The following TNPO1 variants were observed in gnomAD, a reference collection of about 807,000 sequenced individuals.
TNPO1 encodes transportin 1.
A neutral mutation model predicts 119.5 loss-of-function variants in TNPO1; 8 were observed. That is an observed-to-expected ratio of 0.07 (90% CI 0.04 to 0.12). TNPO1 has a LOEUF of 0.12. Among genes scored for constraint, TNPO1 ranks in the 10% least tolerant of loss-of-function variants. TNPO1 has a pLI of 1.00. For synonymous variants in TNPO1, 362 were observed against 363.0 expected, an observed-to-expected ratio of 1.00 and a Z score of 0.03; for missense variants, 576 against 1,089.8, an observed-to-expected ratio of 0.53 and a Z score of 6.64.
Position 72,887,090 on chromosome 5 carries a change from C to G in TNPO1, c.1171C>G (p.Leu391Val), listed in dbSNP as rs767189517. 1.1e-5 allele frequency: 18 copies of G among 1,610,982 alleles called. No homozygotes were observed. Among genetic ancestry groups the G allele is most frequent in the Non-Finnish European group, 1.5e-5 (18 of 1,178,298 alleles). Residue 391 changes from leucine (L) to valine (V), a missense_variant, in exon 12 of 25, where the codon CTG becomes GTG. By Grantham distance (32) the Leu-to-Val change is conservative. Around this residue, in one of 6 missense-constraint regions of TNPO1, gnomAD observed 310 missense variants for 583.0 expected, o/e 0.53. Coordinates refer to ENST00000337273, the MANE Select transcript of TNPO1 (RefSeq NM_002270.4). ...WNLRKCSAAA[L>V]DVLANVYRDE... ...CTTAGGAAAATGTTCTGCTGCTGCC[C>G]TGGATGTTCTTGCAAATGTGTATCG...
At chr5:72,856,022 T>C in intron 4 of TNPO1, 99 bp downstream of exon 4, 1 of 1,281,970 alleles carries the variant, frequency 7.8e-7, no homozygotes. Flanking sequence ...TGTTTCATGT[T>C]AAATTGTGTT....
At chr5:72,840,753 C>CTTT (rs945435750) in intron 1 of TNPO1, among the ~76,000 whole-genome samples, 1 of 152,128 alleles carries the variant, frequency 6.6e-6, no homozygotes, top group African/African-American at 2.4e-5. Flanking sequence ...GTCTAGTCAT[C>CTTT]TTCAAAGTTC....
chr5:72,816,749 C>T lies in TNPO1; in HGVS notation c.12C>T (p.Asp4=). The change falls in exon 1 of 25, where the codon GAC becomes GAT. Residue 4 remains aspartate (D), a synonymous_variant. Transcript: ENST00000337273. MVW[D]RQTKMEYEWK... is the part of the protein sequence containing the mutation. The stretch of plus-strand genomic sequence containing the variant: ...CCGAGGCGTCTGGGATGGTGTGGGA[C>T]CGGGTAGGTGGCGTGAGGGTGCGCG... 1 of 1,585,878 alleles carries T rather than the reference C, an allele frequency of 6.3e-7. No homozygotes were observed. Among genetic ancestry groups the T allele is most frequent in the South Asian group, 1.2e-5 (1 of 86,538 alleles).
intron 9 of TNPO1, among the ~76,000 whole-genome samples, chr5:72,880,971 A>G (rs1309025242): frequency 2.6e-5 from 4 of 152,030 alleles, no homozygotes; most frequent in African/African-American, 9.7e-5. Flanking sequence ...GTTAATTTCC[A>G]TGTCTTATTT....
intron 1 of TNPO1, among the ~76,000 whole-genome samples, chr5:72,828,920 G>A (rs1382655119): frequency 6.6e-6 from 1 of 152,138 alleles, no homozygotes; most frequent in Non-Finnish European, 1.5e-5. Context: ...TAGGACAGAA[G>A]GAAGAGCAAG....
chr5:72,833,216 A>G (rs1744555127), intron 1 of TNPO1, among the ~76,000 whole-genome samples: 1 of 152,206 alleles, frequency 6.6e-6, no homozygotes, highest in Non-Finnish European at 1.5e-5. Context: ...AAATTCAAAT[A>G]TATACCACAT....
At chr5:72,821,254 A>G (rs1006479442) in intron 1 of TNPO1, among the ~76,000 whole-genome samples, 1 of 152,192 alleles carries the variant, frequency 6.6e-6, no homozygotes, top group Non-Finnish European at 1.5e-5. Flanking sequence ...AAAATAATTT[A>G]TTAGTGGAGC....
At chr5:72,902,732 T>C (rs986843255) in intron 22 of TNPO1, among the ~76,000 whole-genome samples, 1 of 152,198 alleles carries the variant, frequency 6.6e-6, no homozygotes, top group Non-Finnish European at 1.5e-5. Flanking sequence ...TTATAACTTT[T>C]ATTCACATAC....
intron 14 of TNPO1, among the ~76,000 whole-genome samples, chr5:72,891,331 G>GA (rs1749039323): frequency 6.6e-6 from 1 of 151,982 alleles, no homozygotes; most frequent in African/African-American, 2.4e-5. Context: ...CGGGTGTGGT[G>GA]GGGGGTGCCT....
At chr5:72,878,233 G>T (rs1159407019) in intron 9 of TNPO1, among the ~76,000 whole-genome samples, 2 of 152,038 alleles carry the variant, frequency 1.3e-5, no homozygotes, top group Non-Finnish European at 2.9e-5. Context: ...ATCCTGGAGT[G>T]AATATCTTTC....
chr5:72,858,730 T>A (rs34663), intron 4 of TNPO1, among the ~76,000 whole-genome samples: 4 of 151,270 alleles, frequency 2.6e-5, no homozygotes, highest in Non-Finnish European at 5.9e-5. Flanking sequence ...CCAGCTACTC[T>A]GGAGGCTGAG....
chr5:72,867,851 T>C (rs554798461), intron 6 of TNPO1, among the ~76,000 whole-genome samples: 9 of 152,378 alleles, frequency 5.9e-5, no homozygotes, highest in African/African-American at 2.2e-4. Context: ...TCCTCTGTAA[T>C]ATTCCATTGC....
chr5:72,877,353 G>A lies in TNPO1; in HGVS notation c.920+7G>A. 6.9e-7 allele frequency: 1 copy of A among 1,452,376 alleles called. No homozygotes were observed. The highest frequency in any genetic ancestry group is 9.6e-7 in the Non-Finnish European group (1 of 1,042,322). The allele number at this position is 1,452,376 out of a possible 1,614,324, so 90.0% of individuals were successfully genotyped here. On this transcript the variant is annotated splice_region_variant and intron_variant, in intron 9 of 24. Coordinates refer to ENST00000337273, the MANE Select transcript of TNPO1 (RefSeq NM_002270.4). ...TCGTAAGGCATCTTCCTAAGTAAGTGTTCCCTCTTATAAATGCTGCCTTGT... is the reference window on the plus strand; with the variant it reads ...TCGTAAGGCATCTTCCTAAGTAAGTATTCCCTCTTATAAATGCTGCCTTGT...
intron 23 of TNPO1, among the ~76,000 whole-genome samples, chr5:72,904,881 T>TG (rs894567488): frequency 1.3e-5 from 2 of 152,186 alleles, no homozygotes; most frequent in African/African-American, 4.8e-5. Flanking sequence ...TCCATGTGGT[T>TG]GGGGAGGCCT....
intron 21 of TNPO1, 27 bp downstream of exon 21, chr5:72,900,108 A>C (rs372795634): frequency 6.4e-6 from 10 of 1,566,824 alleles, no homozygotes; most frequent in Non-Finnish European, 8.8e-6. Context: ...CTTTTTTTTT[A>C]ATTCATTTTT....
chr5:72,896,365 G>A lies in TNPO1; in HGVS notation c.2144-93G>A, dbSNP rs1198422136. The A allele has an allele frequency of 4.4e-6, 3 of 685,140 alleles. No individual in the cohort carries two copies. In the African/African-American group the frequency reaches 5.7e-5, roughly 13 times the overall value. The allele number at this position is 685,140 out of a possible 1,614,324, so 42.4% of individuals were successfully genotyped here. ...TTAATGGTGAAACTTGTTATTTCTT[G>A]CTTAGATTTCTGTTTCCACCTAGTA... On this transcript the variant is annotated intron_variant, in intron 18 of 24. Transcript: ENST00000337273.
In TNPO1 at chr5:72,848,363, C is replaced by T. The variant is rs778861716; in HGVS notation, c.16-22C>T. The stretch of plus-strand genomic sequence containing the variant: ...GGAGTAACAGTTGCTCCGTCTCTTC[C>T]TGTGTCTGGCTTTATTTGCAGCAAA... On this transcript the variant is annotated intron_variant, in intron 1 of 24. Transcript: ENST00000337273. The T allele has an allele frequency of 3.7e-6, 6 of 1,606,366 alleles. No individual in the cohort carries two copies. The African/African-American group carries it at 4.0e-5, about 11-fold the overall frequency.
At chr5:72,882,939 C>G in intron 10 of TNPO1, 125 bp from the exon 11 acceptor site, 1 of 745,620 alleles carries the variant, frequency 1.3e-6, no homozygotes, top group Non-Finnish European at 2.3e-6. Context: ...TTCTTAATCA[C>G]TCTGGAAGTA....
In TNPO1 at chr5:72,907,744, A is replaced by G. The variant is rs146650132; in HGVS notation, c.*36-965A>G. 2.0e-3 allele frequency among the ~76,000 whole-genome samples: 302 copies of G among 152,348 alleles called. 3 individuals are homozygous for G. Among genetic ancestry groups the G allele is most frequent in the African/African-American group, 7.0e-3 (292 of 41,578 alleles). ...ATCAGAATGGGAACTAATTAGGAAC[A>G]TCAAGAAGGCAAGTGTAGGCAGGGT... On this transcript the variant is annotated intron_variant, in intron 24 of 24. Coordinates refer to ENST00000337273, the MANE Select transcript of TNPO1 (RefSeq NM_002270.4).
Sources: allele counts gnomAD v4.1 joint callset (sites outside exome capture counted in the v4.1 genomes callset), GRCh38; gene constraint gnomAD v4.1.1; regional missense constraint gnomAD v4.1.1; transcripts MANE v1.5; gene names NCBI Gene and HGNC (gene_info 2026-07-23, HGNC 2026-07-21).